Variants in ARHGEF9 observed in about 807,000 individuals in gnomAD.
ARHGEF9 encodes the protein rho guanine nucleotide exchange factor 9.
In ARHGEF9, 2 loss-of-function variants were observed where a neutral mutation model predicts 41.3. The ratio of observed to expected loss-of-function variants is 0.05; its 90% CI spans 0.02 to 0.15. ARHGEF9 has a LOEUF of 0.15. Ranked by LOEUF, ARHGEF9 falls within the 10% of genes least tolerant of loss-of-function variation. The pLI, the probability that ARHGEF9 is intolerant of heterozygous loss-of-function variation, is 1.00. For synonymous variants in ARHGEF9, 160 were observed against 154.4 expected (o/e 1.04, Z -0.27); for missense variants, 225 against 424.7 (o/e 0.53, Z 4.13).
chrX:63,698,828 T>C (rs782371366), intron 3 of ARHGEF9, among the ~76,000 whole-genome samples: 5 of 112,408 alleles, frequency 4.4e-5, no homozygotes, highest in African/African-American at 9.7e-5. Context: ...GTTTAACTAA[T>C]GATTTGTGCC....
chrX:63,697,128 C>T lies in ARHGEF9; in HGVS notation c.579G>A (p.Glu193=), dbSNP rs56182751. 4.1e-5 allele frequency: 49 copies of T among 1,207,168 alleles called. No homozygotes were observed. In the African/African-American group the frequency reaches 6.5e-4, roughly 16 times the overall value. ...HLSEIGPCFL[E]HQDGFWIYSE... ...CCCAAATGGATAAGATACTTACGTG[C>T]TCTAGGAAGCAGGGTCCTATCTCGC... Residue 193 remains glutamate, a synonymous_variant, in exon 4 of 10, where the codon GAG becomes GAA. Transcript: ENST00000671741.
At chrX:63,646,421 G>A (rs1269680622) in intron 8 of ARHGEF9, among the ~76,000 whole-genome samples, 12 of 111,920 alleles carry the variant, frequency 1.1e-4, no homozygotes, top group Non-Finnish European at 2.3e-4. Context: ...GTGTAAGGAA[G>A]GGATCCAGTT....
At chrX:63,647,867 T>A (rs1556318590) in intron 8 of ARHGEF9, among the ~76,000 whole-genome samples, 1 of 111,214 alleles carries the variant, frequency 9.0e-6, no homozygotes, top group Non-Finnish European at 1.9e-5. Flanking sequence ...GTCCTGGACT[T>A]TTTTTGGTTA....
intron 1 of ARHGEF9, among the ~76,000 whole-genome samples, chrX:63,781,812 T>G (rs183194317): frequency 8.9e-6 from 1 of 112,335 alleles, no homozygotes; most frequent in Non-Finnish European, 1.9e-5. Context: ...TCTGATTTCA[T>G]CTATCCTTCT....
intron 2 of ARHGEF9, among the ~76,000 whole-genome samples, chrX:63,715,747 A>G (rs1401327547): frequency 2.7e-5 from 3 of 111,940 alleles, no homozygotes; most frequent in African/African-American, 9.8e-5. Context: ...TATGAATTTA[A>G]TCCCTTCCCT....
chrX:63,781,504 T>G, intron 1 of ARHGEF9, among the ~76,000 whole-genome samples: 1 of 111,938 alleles, frequency 8.9e-6, no homozygotes, highest in Middle Eastern at 4.6e-3. Context: ...TCTATGTTCT[T>G]TCTAGCCCCA....
In ARHGEF9 at chrX:63,637,918, C is replaced by CTGTG. The variant is rs200721396; in HGVS notation, c.*106_*109dup. ...TGTGTGTATGTGTACTCAAGGGTCTCTGTGTGTGTGTGTGTGTATAAATTT... is the reference window on the plus strand; with the variant it reads ...TGTGTGTATGTGTACTCAAGGGTCTCTGTGTGTGTGTGTGTGTGTGTATAAATTT... On this transcript the variant is annotated 3_prime_UTR_variant, in exon 10 of 10. Coordinates refer to ENST00000671741, the MANE Select transcript of ARHGEF9 (RefSeq NM_001353921.2). 3.3e-5 allele frequency: 18 copies of CTGTG among 539,827 alleles called. No individual in the cohort carries two copies. Among genetic ancestry groups the CTGTG allele is most frequent in the Admixed American group, 1.5e-4 (4 of 27,439 alleles). 44.5% of individuals were successfully genotyped at this position (539,827 alleles called of 1,213,427 possible).
intron 1 of ARHGEF9, among the ~76,000 whole-genome samples, chrX:63,748,583 A>G (rs781786129): frequency 8.9e-6 from 1 of 112,167 alleles, no homozygotes; most frequent in Admixed American, 9.4e-5. Flanking sequence ...ACTGGACTAG[A>G]CAGTAAATGG....
At chrX:63,651,676 C>T (rs1186734672) in intron 8 of ARHGEF9, among the ~76,000 whole-genome samples, 2 of 109,310 alleles carry the variant, frequency 1.8e-5, no homozygotes, top group Non-Finnish European at 1.9e-5. Context: ...AAACTAGGGG[C>T]CAAAAAAGGA....
rs1375899843 is a variant in ARHGEF9, at chrX:63,635,282, G to A, written c.*2746C>T. 7.8e-6 allele frequency: 4 copies of A among 511,000 alleles called. No homozygotes were observed. The East Asian group carries it at 1.5e-4, about 19-fold the overall frequency. 42.1% of individuals were successfully genotyped at this position (511,000 alleles called of 1,213,427 possible). ...GATCCATTAGAAATATACACATAGA[G>A]AGGGGGGGAAAAAGAGAGAATAATT... On this transcript the variant is annotated 3_prime_UTR_variant, in exon 10 of 10. Transcript: ENST00000671741.
chrX:63,724,177 G>A (rs1216632334), intron 2 of ARHGEF9, among the ~76,000 whole-genome samples: 2 of 111,099 alleles, frequency 1.8e-5, no homozygotes, highest in Non-Finnish European at 3.8e-5. Context: ...AGAAAAAAGA[G>A]AGATAAGAAA....
intron 1 of ARHGEF9, among the ~76,000 whole-genome samples, chrX:63,783,857 T>C (rs2056419777): frequency 9.0e-6 from 1 of 111,665 alleles, no homozygotes; most frequent in African/African-American, 3.3e-5. Flanking sequence ...GCAGCTTTAA[T>C]GGGACCTCAG....
At chrX:63,772,877 G>A (rs1556455747) in intron 1 of ARHGEF9, among the ~76,000 whole-genome samples, 2 of 111,249 alleles carry the variant, frequency 1.8e-5, no homozygotes, top group East Asian at 5.7e-4. Flanking sequence ...CTTTGCATAT[G>A]CTATTCCTGC....
At chrX:63,774,697 A>C (rs1424566216) in intron 1 of ARHGEF9, among the ~76,000 whole-genome samples, 2 of 112,015 alleles carry the variant, frequency 1.8e-5, no homozygotes, top group Non-Finnish European at 3.8e-5. Context: ...GAAAGGCTGT[A>C]AAAATGCAGT....
intron 1 of ARHGEF9, among the ~76,000 whole-genome samples, chrX:63,750,910 TC>T (rs781794377): frequency 9.0e-6 from 1 of 111,320 alleles, no homozygotes; most frequent in Non-Finnish European, 1.9e-5. Flanking sequence ...CTTTGTTCCC[TC>T]CCCAAAAGCA....
intron 4 of ARHGEF9, among the ~76,000 whole-genome samples, chrX:63,683,641 T>G (rs782284820): frequency 9.0e-6 from 1 of 111,598 alleles, no homozygotes; most frequent in East Asian, 2.8e-4. Flanking sequence ...GGTACTAGCA[T>G]AAAAACAGAT....
chrX:63,666,525 C>T (rs1173467774), intron 6 of ARHGEF9, among the ~76,000 whole-genome samples: 1 of 106,223 alleles, frequency 9.4e-6, no homozygotes, highest in African/African-American at 3.4e-5. Context: ...CTATAAATCT[C>T]TTTTTCTGTC....
At chrX:63,654,048 T>C (rs1437898180) in intron 8 of ARHGEF9, among the ~76,000 whole-genome samples, 1 of 109,607 alleles carries the variant, frequency 9.1e-6, no homozygotes, top group East Asian at 2.8e-4. Flanking sequence ...TCAAAATGTT[T>C]ATGAAAGTTA....
chrX:63,635,679 G>A lies in ARHGEF9; in HGVS notation c.*2349C>T. 1 of 284,666 alleles carries A rather than the reference G, an allele frequency of 3.5e-6. No homozygotes were observed. 23.5% of individuals were successfully genotyped at this position (284,666 alleles called of 1,213,427 possible). ...TTGAGAAGTAATATCCCTGATCCTG[G>A]AGCCCTGGGCAGAAGCCCCAAGGAG... On this transcript the variant is annotated 3_prime_UTR_variant, in exon 10 of 10. Coordinates refer to ENST00000671741, the MANE Select transcript of ARHGEF9 (RefSeq NM_001353921.2).
Sources: gnomAD v4.1 joint callset for allele counts (sites outside exome capture counted in the v4.1 genomes callset) on GRCh38, gnomAD v4.1.1 for gene constraint, MANE v1.5 for transcripts, NCBI Gene and HGNC (gene_info 2026-07-23, HGNC 2026-07-21) for gene names.